The following SEMA6D variants were observed in gnomAD, a reference collection of about 807,000 sequenced individuals.
The protein encoded by SEMA6D is semaphorin-6D.
Under a neutral mutation model 106.6 loss-of-function variants are expected in SEMA6D, and 35 were observed. The ratio of observed to expected loss-of-function variants is 0.33; its 90% CI spans 0.25 to 0.44. The LOEUF (loss-of-function observed/expected upper bound fraction) is 0.44. SEMA6D is among the 20% of genes least tolerant of loss of function. The pLI is 1.00. For synonymous variants in SEMA6D, 499 were observed against 487.7 expected (o/e 1.02, Z -0.31); for missense variants, 1,185 against 1,345.9 (o/e 0.88, Z 1.87).
chr15:47,679,944 C>G (rs1451498132), intron 4 of SEMA6D, among the ~76,000 whole-genome samples: 1 of 152,098 alleles, frequency 6.6e-6, no homozygotes, highest in African/African-American at 2.4e-5. Flanking sequence ...AAGTGGGCCT[C>G]AAAGCACCAC....
chr15:47,495,961 A>G (rs907630169), intron 3 of SEMA6D, among the ~76,000 whole-genome samples: 1 of 152,106 alleles, frequency 6.6e-6, no homozygotes, highest in Non-Finnish European at 1.5e-5. Flanking sequence ...TTGTTAAACT[A>G]ATCAATATTT....
intron 2 of SEMA6D, among the ~76,000 whole-genome samples, chr15:47,454,659 A>G (rs2042294413): frequency 6.6e-6 from 1 of 151,622 alleles, no homozygotes; most frequent in Admixed American, 6.6e-5. Flanking sequence ...ATCTCACAGG[A>G]CATACTGACA....
In SEMA6D at chr15:47,763,961, C is replaced by T; in HGVS notation, c.859C>T (p.Pro287Ser). Residue 287 changes from proline (P) to serine (S), a missense_variant, in exon 10 of 19, where the codon CCT (proline) becomes TCT (serine). Transcript: ENST00000536845. The stretch of plus-strand genomic sequence containing the variant: ...AAAGGCTCGGCTGAACTGTTCTGTC[C>T]CTGGAGATTCGTTTTTCTACTTTGA... ...FLKARLNCSV[P>S]GDSFFYFDVL... 1.2e-6 allele frequency: 2 copies of T among 1,613,880 alleles called. No homozygotes were observed. The highest frequency in any genetic ancestry group is 1.1e-5 in the South Asian group (1 of 91,078).
intron 1 of SEMA6D, among the ~76,000 whole-genome samples, chr15:47,242,472 C>T (rs969069647): frequency 6.6e-6 from 1 of 152,062 alleles, no homozygotes; most frequent in Non-Finnish European, 1.5e-5. Flanking sequence ...CTTTGTAGAC[C>T]TGGGTCAGGC....
intron 1 of SEMA6D, among the ~76,000 whole-genome samples, chr15:47,298,682 G>A (rs1240279352): frequency 1.3e-5 from 2 of 152,056 alleles, no homozygotes; most frequent in African/African-American, 4.8e-5. Context: ...GCCAGTTTAC[G>A]GTTGTGTATT....
intron 1 of SEMA6D, among the ~76,000 whole-genome samples, chr15:47,315,547 T>C (rs916422717): frequency 2.6e-5 from 4 of 152,246 alleles, no homozygotes; most frequent in African/African-American, 9.6e-5. Flanking sequence ...TCCAATTTTG[T>C]TCTTTTCCTT....
chr15:47,283,791 A>G (rs556377289), intron 1 of SEMA6D, among the ~76,000 whole-genome samples: 1 of 152,208 alleles, frequency 6.6e-6, no homozygotes, highest in African/African-American at 2.4e-5. Flanking sequence ...TAGCCCACCT[A>G]CTCACCCTTG....
chr15:47,444,899 C>T (rs756907956), intron 2 of SEMA6D, among the ~76,000 whole-genome samples: 1 of 152,066 alleles, frequency 6.6e-6, no homozygotes, highest in East Asian at 1.9e-4. Context: ...CCTTGTCCAG[C>T]GTCCAGGAAA....
intron 3 of SEMA6D, among the ~76,000 whole-genome samples, chr15:47,522,772 C>T (rs942648526): frequency 2.0e-5 from 3 of 152,088 alleles, no homozygotes; most frequent in East Asian, 1.9e-4. Flanking sequence ...AAGGAAAGCA[C>T]GTCAGTTGGT....
chr15:47,332,640 G>C (rs2037386360), intron 1 of SEMA6D, among the ~76,000 whole-genome samples: 1 of 152,156 alleles, frequency 6.6e-6, no homozygotes, highest in Non-Finnish European at 1.5e-5. Flanking sequence ...ACTTCACTCT[G>C]GAATCTAGCT....
chr15:47,474,231 C>T (rs1297187127), intron 3 of SEMA6D, among the ~76,000 whole-genome samples: 2 of 152,110 alleles, frequency 1.3e-5, no homozygotes, highest in Admixed American at 6.5e-5. Flanking sequence ...CTGAGGCAGG[C>T]TTACCACTGA....
chr15:47,732,790 T>TA (rs59337791), intron 1 of SEMA6D, among the ~76,000 whole-genome samples: 1,571 of 151,986 alleles, frequency 0.01, 36 homozygotes, highest in African/African-American at 0.036. Flanking sequence ...ATTAGGCAAT[T>TA]AAAAAAAATA....
intron 1 of SEMA6D, among the ~76,000 whole-genome samples, chr15:47,220,017 C>T (rs115799658): frequency 0.021 from 3,157 of 152,244 alleles, 98 homozygotes; most frequent in African/African-American, 0.071. Context: ...GGCAGCTGGG[C>T]AGTGTTCTAA....
chr15:47,352,867 A>G (rs151051780), intron 1 of SEMA6D, among the ~76,000 whole-genome samples: 25 of 152,332 alleles, frequency 1.6e-4, no homozygotes, highest in Admixed American at 2.6e-4. Flanking sequence ...CTTCCTGCCT[A>G]TGCAGTTAAC....
chr15:47,384,154 C>T (rs2039737167), intron 1 of SEMA6D, among the ~76,000 whole-genome samples: 1 of 152,140 alleles, frequency 6.6e-6, no homozygotes, highest in South Asian at 2.1e-4. Flanking sequence ...AGCTTTCACA[C>T]GAGGTCCTCC....
chr15:47,766,831 G>A (rs2082367815), intron 16 of SEMA6D, among the ~76,000 whole-genome samples, 154 bp downstream of exon 16: 1 of 152,028 alleles, frequency 6.6e-6, no homozygotes, highest in African/African-American at 2.4e-5. Flanking sequence ...CGGTCATGGG[G>A]ATACATTAGA....
intron 3 of SEMA6D, among the ~76,000 whole-genome samples, chr15:47,493,564 G>C (rs1209124356): frequency 6.6e-6 from 1 of 152,160 alleles, no homozygotes; most frequent in Non-Finnish European, 1.5e-5. Context: ...ACACTGAACA[G>C]TAATTTACAT....
chr15:47,359,473 A>G (rs2038716688), intron 1 of SEMA6D: 1 of 152,182 alleles, frequency 6.6e-6, no homozygotes, highest in South Asian at 2.1e-4. Flanking sequence ...GTGTGGGGCG[A>G]CAGAGTAGGG....
At chr15:47,544,544 G>T (rs534489498) in intron 3 of SEMA6D, among the ~76,000 whole-genome samples, 1 of 152,136 alleles carries the variant, frequency 6.6e-6, no homozygotes, top group African/African-American at 2.4e-5. Context: ...AGTGCATCAG[G>T]CCACTGTAAC....
Sources: allele counts gnomAD v4.1 joint callset (sites outside exome capture counted in the v4.1 genomes callset), GRCh38; gene constraint gnomAD v4.1.1; transcripts MANE v1.5; gene names NCBI Gene and HGNC (gene_info 2026-07-23, HGNC 2026-07-21).